The following IDO2 variants were observed in gnomAD, a reference collection of about 807,000 sequenced individuals.
IDO2 encodes indoleamine 2,3-dioxygenase-like 1 protein.
In IDO2, 46 loss-of-function variants were observed where a neutral mutation model predicts 45.1. The ratio of observed to expected loss-of-function variants is 1.02; its 90% CI spans 0.80 to 1.30. IDO2 has a LOEUF of 1.30. Among genes scored for constraint, IDO2 ranks in the 50% most tolerant of loss-of-function variants. The probability of loss-of-function intolerance (pLI) is 0.00; values close to 1 mark genes in which losing one functional copy is unlikely to be tolerated. For missense variants in IDO2, 544 were observed against 491.8 expected (o/e 1.11, Z -1.00); for synonymous variants, 218 against 184.9 (o/e 1.18, Z -1.45).
intron 2 of IDO2, among the ~76,000 whole-genome samples, chr8:39,961,811 C>T (rs1212036804): frequency 6.6e-6 from 1 of 152,186 alleles, no homozygotes; most frequent in African/African-American, 2.4e-5. Flanking sequence ...TCCATCCATT[C>T]ATTTGCTCAC....
At chr8:39,998,870 T>C (rs2129595113) in intron 8 of IDO2, among the ~76,000 whole-genome samples, 1 of 152,136 alleles carries the variant, frequency 6.6e-6, no homozygotes, top group East Asian at 1.9e-4. Flanking sequence ...GTCAAACTCC[T>C]GAGCTCAGGA....
chr8:39,981,306 C>T (rs1286639154), intron 4 of IDO2, among the ~76,000 whole-genome samples: 3 of 152,190 alleles, frequency 2.0e-5, no homozygotes, highest in Non-Finnish European at 2.9e-5. Flanking sequence ...GTGATCTGCC[C>T]GCCTTCGCCT....
At chr8:39,977,417 T>G (rs1284189017) in intron 3 of IDO2, among the ~76,000 whole-genome samples, 1 of 152,246 alleles carries the variant, frequency 6.6e-6, no homozygotes, top group Non-Finnish European at 1.5e-5. Context: ...TGGGCATAAG[T>G]AAGCCTAGCA....
At chr8:39,943,769 A>C (rs945205620) in intron 1 of IDO2, among the ~76,000 whole-genome samples, 1 of 150,768 alleles carries the variant, frequency 6.6e-6, no homozygotes, top group African/African-American at 2.4e-5. Context: ...GGAAACCTAT[A>C]GCTAACATCA....
At chr8:39,958,151 C>T (rs4466387) in intron 2 of IDO2, among the ~76,000 whole-genome samples, 2 of 151,958 alleles carry the variant, frequency 1.3e-5, no homozygotes, top group African/African-American at 4.8e-5. Context: ...GTGATCTGCC[C>T]GCATCGGCCT....
chr8:40,010,954 C>T (rs1438139373), intron 9 of IDO2, among the ~76,000 whole-genome samples: 7 of 152,170 alleles, frequency 4.6e-5, no homozygotes, highest in Non-Finnish European at 1.0e-4. Flanking sequence ...CTCTTTCGCC[C>T]AAACTGGAGT....
intron 1 of IDO2, among the ~76,000 whole-genome samples, chr8:39,941,078 T>C (rs59445010): frequency 0.42 from 63,795 of 151,162 alleles, 13,642 homozygotes; most frequent in East Asian, 0.59. Context: ...AAAAATTAGC[T>C]TGGTGTGGTG....
At chr8:39,992,718 T>C (rs917081190) in intron 8 of IDO2, among the ~76,000 whole-genome samples, 9 of 152,190 alleles carry the variant, frequency 5.9e-5, no homozygotes, top group Non-Finnish European at 1.0e-4. Context: ...CTGGACTTTT[T>C]CCCTCTGCTT....
At chr8:39,964,359 G>C (rs1202108330) in intron 3 of IDO2, among the ~76,000 whole-genome samples, 2 of 152,158 alleles carry the variant, frequency 1.3e-5, no homozygotes, top group African/African-American at 4.8e-5. Flanking sequence ...GAGAAACTCT[G>C]GTCTCACAGT....
chr8:39,948,848 T>A (rs1034713509), intron 1 of IDO2, among the ~76,000 whole-genome samples: 7 of 152,340 alleles, frequency 4.6e-5, no homozygotes, highest in African/African-American at 1.7e-4. Context: ...TCATTTCTCC[T>A]TTTCCAAAGT....
At chr8:39,999,300 G>A (rs888951089) in intron 8 of IDO2, among the ~76,000 whole-genome samples, 2 of 80,934 alleles carry the variant, frequency 2.5e-5, no homozygotes, top group Non-Finnish European at 4.4e-5. Context: ...TTTTTTTTGA[G>A]ATGGAGTCTT....
chr8:39,980,680 G>T (rs923452372), intron 4 of IDO2, among the ~76,000 whole-genome samples: 4 of 152,162 alleles, frequency 2.6e-5, no homozygotes, highest in African/African-American at 4.8e-5. Context: ...GGGAAACACA[G>T]GAGACTCAGG....
intron 1 of IDO2, among the ~76,000 whole-genome samples, chr8:39,947,969 T>A (rs1394854267): frequency 1.3e-5 from 2 of 152,130 alleles, no homozygotes; most frequent in African/African-American, 2.4e-5. Context: ...GTATTTTTAG[T>A]AGAGATGGGG....
chr8:39,937,810 C>T (rs1384123706), intron 1 of IDO2, among the ~76,000 whole-genome samples: 2 of 152,094 alleles, frequency 1.3e-5, no homozygotes, highest in African/African-American at 2.4e-5. Context: ...TGTGAGCAAA[C>T]CTGCCATCTC....
Position 39,936,166 on chromosome 8 carries a change from T to C in IDO2, c.-18+948T>C, listed in dbSNP as rs576271899. ...AAATATGAATATGCTTCCAGATTTA[T>C]TCTACCTAAAGGATCTGGCTCTATT... On this transcript the variant is annotated intron_variant, in intron 1 of 10. Transcript: ENST00000502986. Among the ~76,000 whole-genome samples the C allele has an allele frequency of 7.9e-5, 12 of 152,346 alleles. No individual in the cohort carries two copies. In the South Asian group the frequency reaches 2.5e-3, roughly 32 times the overall value.
chr8:40,015,503 G>T, exon 11 of IDO2: 10 of 1,613,968 alleles, frequency 6.2e-6, no homozygotes, highest in Non-Finnish European at 8.5e-6. Flanking sequence ...GGCCTCCTCA[G>T]GCTTTAAAAG....
chr8:39,964,805 A>G (rs1304007983), intron 3 of IDO2, among the ~76,000 whole-genome samples: 3 of 152,384 alleles, frequency 2.0e-5, no homozygotes, highest in Admixed American at 6.5e-5. Flanking sequence ...AAAAGTTCCA[A>G]TGATGGAATA....
intron 1 of IDO2, 99 bp from the exon 2 acceptor site, chr8:39,949,050 G>C: frequency 6.8e-7 from 1 of 1,478,210 alleles, no homozygotes; most frequent in Middle Eastern, 1.9e-4. Flanking sequence ...GTTCTCTCCT[G>C]TGCCTGAGAC....
chr8:39,937,119 C>T (rs1295331091), intron 1 of IDO2, among the ~76,000 whole-genome samples: 4 of 152,322 alleles, frequency 2.6e-5, no homozygotes, highest in Admixed American at 6.5e-5. Context: ...TTTCAATGAT[C>T]GTCTTCCAAA....
Sources: gnomAD v4.1 joint callset for allele counts (sites outside exome capture counted in the v4.1 genomes callset) on GRCh38, gnomAD v4.1.1 for gene constraint, MANE v1.5 for transcripts, NCBI Gene and HGNC (gene_info 2026-07-23, HGNC 2026-07-21) for gene names.